The following HOXB3 variants were observed in gnomAD, a reference collection of about 807,000 sequenced individuals.
The protein encoded by HOXB3 is homeobox B3.
HOXB3 carries 17 observed loss-of-function variants against 29.2 expected under a neutral mutation model. The observed-to-expected ratio is 0.58, with a 90% CI of 0.40 to 0.87. HOXB3 has a LOEUF of 0.87. Among genes scored for constraint, HOXB3 ranks in the 40% least tolerant of loss-of-function variants. HOXB3 has a pLI of 0.00. For synonymous variants in HOXB3, 317 were observed against 285.9 expected (o/e 1.11, Z -1.10); for missense variants, 637 against 616.3 (o/e 1.03, Z -0.35).
chr17:48,583,372 C>G (rs2069987899), intron 1 of HOXB3, among the ~76,000 whole-genome samples: 1 of 152,174 alleles, frequency 6.6e-6, no homozygotes, highest in African/African-American at 2.4e-5. Context: ...AGGAGCAGAT[C>G]AAGAAGGCAT....
Position 48,554,719 on chromosome 17 carries a change from G to A in HOXB3, c.-159+812C>T, listed in dbSNP as rs1424965351. 2 of 702,390 alleles carry A rather than the reference G, an allele frequency of 2.8e-6. No individual in the cohort carries two copies. The highest frequency in any genetic ancestry group is 3.0e-5 in the South Asian group (2 of 67,596). 43.5% of individuals were successfully genotyped at this position (702,390 alleles called of 1,614,324 possible). ...GGTTCCCAGCACACCAGCCGGCCGA[G>A]GGCCGAGCCCCGCGGGCGGCAGCAA... On this transcript the variant is annotated intron_variant, in intron 3 of 4. Transcript: ENST00000498678. This position sits in a 1 kb window ranked among gnomAD's most constrained non-coding sequence, Gnocchi z 4.1.
intron 2 of HOXB3, among the ~76,000 whole-genome samples, chr17:48,561,538 C>T (rs2069198987): frequency 6.6e-6 from 1 of 152,172 alleles, no homozygotes; most frequent in South Asian, 2.1e-4. Flanking sequence ...ACTTCTATAC[C>T]CAGATGCCCA....
intron 1 of HOXB3, among the ~76,000 whole-genome samples, chr17:48,586,416 GC>G (rs903151548): frequency 2.4e-4 from 36 of 152,142 alleles, no homozygotes; most frequent in African/African-American, 8.5e-4. Flanking sequence ...CTGCCGGCGT[GC>G]CCCCACCCCC....
intron 2 of HOXB3, 29 bp downstream of exon 2, chr17:48,573,808 C>T (rs1026266156): frequency 5.7e-6 from 4 of 700,262 alleles, no homozygotes; most frequent in Non-Finnish European, 1.0e-5. Context: ...ACGATCAAAA[C>T]ACGCCAGCCC....
chr17:48,569,382 G>A (rs1179238324), intron 2 of HOXB3, among the ~76,000 whole-genome samples: 1 of 151,834 alleles, frequency 6.6e-6, no homozygotes, highest in African/African-American at 2.4e-5. Flanking sequence ...TACTACATCT[G>A]CAGCTCCCTA....
At chr17:48,583,978 C>T (rs765186032) in intron 1 of HOXB3, among the ~76,000 whole-genome samples, 9 of 152,214 alleles carry the variant, frequency 5.9e-5, no homozygotes, top group Non-Finnish European at 1.0e-4. Context: ...GAAGGAAAAA[C>T]GCCCACAGTG....
chr17:48,552,895 T>G, intron 3 of HOXB3: 5 of 163,282 alleles, frequency 3.1e-5, no homozygotes, highest in East Asian at 1.8e-4. Context: ...GCCTGTGCAC[T>G]AGCCCCTGAC....
In HOXB3 at chr17:48,586,422, A is replaced by ACCT. The variant is rs2070047275; in HGVS notation, c.-425+3702_-425+3703insAGG. Reference sequence around the variant, plus strand: ...CGCCTAAACCTGCCGGCGTGCCCCCACCCCCGGTCTACAGAGGCGGAGGTG... The same window carrying ACCT: ...CGCCTAAACCTGCCGGCGTGCCCCCACCTCCCCCGGTCTACAGAGGCGGAGGTG... On this transcript the variant is annotated intron_variant, in intron 1 of 4. Coordinates refer to ENST00000498678, the MANE Select transcript of HOXB3 (RefSeq NM_001384749.1). Among the ~76,000 whole-genome samples, 3 of 151,842 alleles carry ACCT rather than the reference A, an allele frequency of 2.0e-5. No homozygotes were observed. In the South Asian group the frequency reaches 6.2e-4, roughly 32 times the overall value.
intron 2 of HOXB3, among the ~76,000 whole-genome samples, chr17:48,570,304 A>C (rs2069542840): frequency 6.6e-6 from 1 of 152,202 alleles, no homozygotes; most frequent in Admixed American, 6.5e-5. Context: ...AAAATAAAAC[A>C]AAAACAACCC....
At chr17:48,560,520 C>T (rs2069155072) in intron 2 of HOXB3, among the ~76,000 whole-genome samples, 1 of 152,092 alleles carries the variant, frequency 6.6e-6, no homozygotes, top group Admixed American at 6.5e-5. Flanking sequence ...TTCCCATCTT[C>T]TTCTTCCCTC....
rs756705326 is a variant in HOXB3, at chr17:48,552,339, C to A, written c.136G>T (p.Asp46Tyr). Residue 46 changes from aspartate to tyrosine, a missense_variant, in exon 4 of 5, where the codon GAC (aspartate) becomes TAC (tyrosine). By Grantham distance (160) the Asp-to-Tyr change is radical. Coordinates refer to ENST00000498678, the MANE Select transcript of HOXB3 (RefSeq NM_001384749.1). Reference protein sequence around the residue: ...PFQAATHLEGDYQRSACSLQS... With the variant: ...PFQAATHLEGYYQRSACSLQS... ...AGCGAGCAAGCTGAGCGCTGGTAGT[C>A]GCCCTCCAGGTGCGTGGCGGCCTGA... The A allele has an allele frequency of 6.2e-7, 1 of 1,613,936 alleles. No individual in the cohort carries two copies.
Position 48,552,009 on chromosome 17 carries a change from A to C in HOXB3, c.448+18T>G, listed in dbSNP as rs757150801. ...GCTCCGACAAAAGCTGAGGACAAGGAAGGCAGAGAACTGGTACCTGTGCCG... is the reference window on the plus strand; with the variant it reads ...GCTCCGACAAAAGCTGAGGACAAGGCAGGCAGAGAACTGGTACCTGTGCCG... On this transcript the variant is annotated intron_variant, in intron 4 of 4. Transcript: ENST00000498678. The C allele has an allele frequency of 5.5e-5, 85 of 1,541,226 alleles. No homozygotes were observed. The highest frequency in any genetic ancestry group is 7.1e-5 in the Non-Finnish European group (81 of 1,139,150).
chr17:48,580,668 T>C (rs1436844606), intron 1 of HOXB3: 2 of 152,180 alleles, frequency 1.3e-5, no homozygotes, highest in Admixed American at 1.3e-4. Flanking sequence ...TGCAGCCAGA[T>C]GATATAGGGC....
chr17:48,552,172 G>T lies in HOXB3; in HGVS notation c.303C>A (p.Ser101Arg). 9 of 1,614,044 alleles carry T rather than the reference G, an allele frequency of 5.6e-6. No individual in the cohort carries two copies. Among genetic ancestry groups the T allele is most frequent in the Non-Finnish European group, 5.1e-6 (6 of 1,179,950 alleles). ...TGGGCCCGCCCCCATTACTGCTGTT[G>T]CTAGTGGCACTGGTAGGTGCGGCAC... ...PPSAAPTSATSNSSNGGGPSK... is the reference protein window; with the variant it reads ...PPSAAPTSATRNSSNGGGPSK... Residue 101 changes from serine to arginine, a missense_variant, in exon 4 of 5, where the codon AGC (serine) becomes AGA (arginine). Physicochemically the swap from Ser to Arg is moderately radical, Grantham distance 110 (BLOSUM62 -1). Transcript: ENST00000498678.
intron 2 of HOXB3, among the ~76,000 whole-genome samples, chr17:48,570,889 C>G (rs2069563788): frequency 6.6e-6 from 1 of 152,140 alleles, no homozygotes; most frequent in African/African-American, 2.4e-5. Context: ...GGCCACAAAT[C>G]CATTAAAAAT....
chr17:48,577,729 A>G (rs1301961987), intron 1 of HOXB3: 2 of 782,480 alleles, frequency 2.6e-6, no homozygotes, highest in South Asian at 1.1e-4. Flanking sequence ...GCGACCGTAA[A>G]TCTCCGGCAA....
intron 1 of HOXB3, chr17:48,578,347 T>C (rs761287120): frequency 5.0e-6 from 8 of 1,595,988 alleles, no homozygotes; most frequent in South Asian, 1.1e-5. Context: ...CCACAAAATA[T>C]ACTAAAATTT....
Position 48,550,288 on chromosome 17 carries a change from T to C in HOXB3, c.*46A>G, listed in dbSNP as rs769371734. The C allele has an allele frequency of 1.2e-6, 2 of 1,611,400 alleles. No individual in the cohort carries two copies. The highest frequency in any genetic ancestry group is 1.7e-6 in the Non-Finnish European group (2 of 1,179,396). ...CAGGTTGCCCCCCAGAGCTCCACAG[T>C]CTCTCTCTTCCTCCCCATCCCCTAA... On this transcript the variant is annotated 3_prime_UTR_variant, in exon 5 of 5. Coordinates refer to ENST00000498678, the MANE Select transcript of HOXB3 (RefSeq NM_001384749.1).
chr17:48,553,495 T>TCC (rs958641864), intron 3 of HOXB3: 5 of 151,930 alleles, frequency 3.3e-5, no homozygotes. Flanking sequence ...TCCCACCCTT[T>TCC]CCTTCACCGT....
Sources: gnomAD v4.1 joint callset for allele counts (sites outside exome capture counted in the v4.1 genomes callset) on GRCh38, gnomAD v4.1.1 for gene constraint, Gnocchi (gnomAD v3.1) non-coding constraint, MANE v1.5 for transcripts, NCBI Gene and HGNC (gene_info 2026-07-23, HGNC 2026-07-21) for gene names.